The following PDE1A variants were observed in gnomAD, a reference collection of about 807,000 sequenced individuals.
The protein encoded by PDE1A is phosphodiesterase 1A.
A neutral mutation model predicts 61.7 loss-of-function variants in PDE1A; 35 were observed. The observed-to-expected ratio is 0.57, with a 90% confidence interval of 0.43 to 0.75. The LOEUF (loss-of-function observed/expected upper bound fraction) is 0.75. Among genes scored for constraint, PDE1A ranks in the 30% least tolerant of loss-of-function variants. PDE1A has a pLI of 0.00. For synonymous variants in PDE1A, 232 were observed against 213.2 expected (o/e 1.09, Z -0.77); for missense variants, 597 against 630.6 (o/e 0.95, Z 0.57).
chr2:182,327,174 G>A (rs1489772832), intron 1 of PDE1A, among the ~76,000 whole-genome samples: 1 of 152,176 alleles, frequency 6.6e-6, no homozygotes, highest in East Asian at 1.9e-4. Flanking sequence ...AGAGGCAAAT[G>A]AGTAAATATG....
intron 2 of PDE1A, among the ~76,000 whole-genome samples, chr2:182,513,691 T>C (rs1470510085): frequency 6.6e-6 from 1 of 152,190 alleles, no homozygotes; most frequent in Non-Finnish European, 1.5e-5. Context: ...GTATGCTGTC[T>C]TCAAGAGACT....
intron 13 of PDE1A, among the ~76,000 whole-genome samples, chr2:182,170,842 C>T (rs1692143656): frequency 1.3e-5 from 2 of 151,694 alleles, no homozygotes; most frequent in South Asian, 4.2e-4. Flanking sequence ...AGATTATTTA[C>T]CATACATAAT....
chr2:182,700,842 G>A, the PDE1A span, among the ~76,000 whole-genome samples: 29 of 151,788 alleles, frequency 1.9e-4, no homozygotes, highest in South Asian at 4.6e-3. Context: ...GCTTGAATCT[G>A]GAAGGCAGAG....
At chr2:182,704,358 T>A in the PDE1A span, among the ~76,000 whole-genome samples, 1 of 152,178 alleles carries the variant, frequency 6.6e-6, no homozygotes, top group Non-Finnish European at 1.5e-5. Context: ...AAATTCAGAA[T>A]TCAAGGTAAT....
chr2:182,365,254 T>G (rs1157746215), intron 1 of PDE1A, among the ~76,000 whole-genome samples: 1 of 152,032 alleles, frequency 6.6e-6, no homozygotes, highest in East Asian at 1.9e-4. Context: ...AATGTGCAGT[T>G]GCAATCATCT....
chr2:182,197,896 T>A (rs540206863), intron 10 of PDE1A, among the ~76,000 whole-genome samples: 1 of 151,984 alleles, frequency 6.6e-6, no homozygotes, highest in Non-Finnish European at 1.5e-5. Flanking sequence ...TAGACTCTTA[T>A]ATTTCTATAC....
At chr2:182,581,792 G>C in the PDE1A span, among the ~76,000 whole-genome samples, 1 of 152,124 alleles carries the variant, frequency 6.6e-6, no homozygotes, top group African/African-American at 2.4e-5. Context: ...GCTCACTAGA[G>C]ACTCAACCAG....
At chr2:182,309,485 C>A (rs980016648) in intron 1 of PDE1A, among the ~76,000 whole-genome samples, 2 of 152,036 alleles carry the variant, frequency 1.3e-5, no homozygotes, top group South Asian at 4.2e-4. Context: ...CAAATAAGTA[C>A]CCAAAGTGTC....
chr2:182,555,965 C>CAAAAAAAAAAAAAAAAAAAAAAAAAAA, the PDE1A span, among the ~76,000 whole-genome samples: 4 of 48,420 alleles, frequency 8.3e-5, no homozygotes, highest in Admixed American at 2.8e-4. Context: ...AACTCCATCT[C>CAAAAAAAAAAAAAAAAAAAAAAAAAAA]AAAAAAAAAA....
intron 2 of PDE1A, among the ~76,000 whole-genome samples, chr2:182,454,856 G>A (rs2125734329): frequency 6.8e-6 from 1 of 147,100 alleles, no homozygotes; most frequent in East Asian, 2.0e-4. Flanking sequence ...ACATAGGCAT[G>A]GGCAAGGACT....
intron 2 of PDE1A, among the ~76,000 whole-genome samples, chr2:182,485,049 T>C (rs1687930671): frequency 6.6e-6 from 1 of 151,988 alleles, no homozygotes; most frequent in Admixed American, 6.6e-5. Context: ...CATTCTACTA[T>C]AAAGACACTG....
chr2:182,228,196 G>C (rs1689291662), intron 6 of PDE1A, among the ~76,000 whole-genome samples: 1 of 152,058 alleles, frequency 6.6e-6, no homozygotes, highest in Non-Finnish European at 1.5e-5. Flanking sequence ...AGAGATAGGG[G>C]GACAAGCAGG....
intron 1 of PDE1A, among the ~76,000 whole-genome samples, chr2:182,291,978 G>A (rs568182194): frequency 5.9e-5 from 9 of 152,176 alleles, no homozygotes; most frequent in African/African-American, 2.2e-4. Flanking sequence ...CAGGAAGCAT[G>A]ACTGTTACTT....
At chr2:182,206,013 CGTG>C in exon 8 of PDE1A, 1 of 1,612,424 alleles carries the variant, frequency 6.2e-7, no homozygotes, top group Non-Finnish European at 8.5e-7. Flanking sequence ...GCTGCACTCA[CGTG>C]GTGATTCTCA....
At chr2:182,612,863 T>C in the PDE1A span, among the ~76,000 whole-genome samples, 4 of 152,176 alleles carry the variant, frequency 2.6e-5, no homozygotes. Flanking sequence ...GACCTCTATT[T>C]GGGGGAGATG....
intron 10 of PDE1A, among the ~76,000 whole-genome samples, chr2:182,199,647 A>G (rs1249869263): frequency 6.6e-6 from 1 of 152,122 alleles, no homozygotes; most frequent in East Asian, 1.9e-4. Context: ...TGAGTATATC[A>G]TTATAATTTT....
intron 1 of PDE1A, among the ~76,000 whole-genome samples, chr2:182,276,717 T>C (rs915547690): frequency 2.6e-5 from 4 of 152,078 alleles, no homozygotes; most frequent in Admixed American, 2.6e-4. Flanking sequence ...TTTTTCTTCT[T>C]GCAGAGAGCC....
the PDE1A span, among the ~76,000 whole-genome samples, chr2:182,618,232 C>T: frequency 1.3e-5 from 2 of 152,138 alleles, no homozygotes; most frequent in Non-Finnish European, 2.9e-5. Flanking sequence ...AGTAATATTT[C>T]CCCTCAATTT....
downstream of PDE1A, chr2:182,167,746 G>C (rs2125311668): frequency 3.5e-6 from 1 of 285,910 alleles, no homozygotes; most frequent in South Asian, 1.3e-4. Flanking sequence ...TTTCATCCCT[G>C]CCATTCACTC....
Sources: allele counts gnomAD v4.1 joint callset (sites outside exome capture counted in the v4.1 genomes callset), GRCh38; gene constraint gnomAD v4.1.1; transcripts MANE v1.5; gene names NCBI Gene and HGNC (gene_info 2026-07-23, HGNC 2026-07-21).